EXOC6B: variants seen among roughly 807,000 people sequenced by gnomAD.
EXOC6B encodes the protein SEC15 homolog B.
In EXOC6B, 54 loss-of-function variants were observed where a neutral mutation model predicts 113.5. The observed-to-expected ratio is 0.48, with a 90% CI of 0.38 to 0.60. The LOEUF (loss-of-function observed/expected upper bound fraction) is 0.60. Ranked by LOEUF, EXOC6B falls within the 20% of genes least tolerant of loss-of-function variation. The probability of loss-of-function intolerance (pLI) is 0.00; values close to 1 mark genes in which losing one functional copy is unlikely to be tolerated. For missense variants in EXOC6B, 797 were observed against 977.5 expected (o/e 0.82, Z 2.46); for synonymous variants, 357 against 339.0 (o/e 1.05, Z -0.58).
intron 6 of EXOC6B, among the ~76,000 whole-genome samples, chr2:72,586,506 A>T (rs1705584873): frequency 6.6e-6 from 1 of 152,126 alleles, no homozygotes; most frequent in African/African-American, 2.4e-5. Context: ...TAATTCCAGC[A>T]CTTTGGGAGG....
intron 20 of EXOC6B, among the ~76,000 whole-genome samples, chr2:72,216,992 G>A (rs4852860): frequency 0.18 from 25,581 of 141,436 alleles, 2,403 homozygotes; most frequent in Non-Finnish European, 0.21. Context: ...AGTGAGCCGA[G>A]ATCACACCAC....
intron 1 of EXOC6B, among the ~76,000 whole-genome samples, chr2:72,795,644 A>T (rs1684902621): frequency 6.6e-6 from 1 of 152,202 alleles, no homozygotes. Flanking sequence ...TCTGTGGTAG[A>T]CAGAATAATG....
At chr2:72,266,898 T>G (rs1684136053) in intron 20 of EXOC6B, among the ~76,000 whole-genome samples, 1 of 152,216 alleles carries the variant, frequency 6.6e-6, no homozygotes, top group South Asian at 2.1e-4. Flanking sequence ...GCATAGAATG[T>G]TCTTCCATTT....
chr2:72,504,367 AT>A (rs1364845418), intron 11 of EXOC6B, among the ~76,000 whole-genome samples: 2 of 152,180 alleles, frequency 1.3e-5, no homozygotes, highest in East Asian at 3.9e-4. Context: ...CTTAATCAAT[AT>A]TTTTTCTCTC....
At chr2:72,334,133 T>C in intron 20 of EXOC6B, among the ~76,000 whole-genome samples, 1 of 152,040 alleles carries the variant, frequency 6.6e-6, no homozygotes, top group East Asian at 1.9e-4. Flanking sequence ...TCTTACTTCA[T>C]TCACACTTTC....
At chr2:72,224,075 T>C (rs1393106969) in intron 20 of EXOC6B, among the ~76,000 whole-genome samples, 1 of 152,194 alleles carries the variant, frequency 6.6e-6, no homozygotes, top group African/African-American at 2.4e-5. Flanking sequence ...TTGAGATTTA[T>C]GCCTGGCCAG....
At chr2:72,624,272 A>G (rs1339339500) in intron 6 of EXOC6B, among the ~76,000 whole-genome samples, 1 of 151,420 alleles carries the variant, frequency 6.6e-6, no homozygotes, top group Non-Finnish European at 1.5e-5. Context: ...TTTCTTTTTT[A>G]TTTTTTGTAG....
chr2:72,716,178 C>G (rs1320876163), intron 6 of EXOC6B, among the ~76,000 whole-genome samples: 1 of 152,154 alleles, frequency 6.6e-6, no homozygotes, highest in African/African-American at 2.4e-5. Flanking sequence ...ATGCAACACT[C>G]TTTGGTCTTT....
At chr2:72,289,069 C>A (rs1685624179) in intron 20 of EXOC6B, 1 of 296,498 alleles carries the variant, frequency 3.4e-6, no homozygotes, top group Admixed American at 3.8e-5. Context: ...CAAGAAGAAG[C>A]AAGATGAAAA....
intron 18 of EXOC6B, among the ~76,000 whole-genome samples, chr2:72,396,167 A>C (rs1692714190): frequency 6.6e-6 from 1 of 152,132 alleles, no homozygotes; most frequent in South Asian, 2.1e-4. Context: ...GATACTCTTA[A>C]ATAATTTATA....
At chr2:72,747,360 A>G (rs530755834) in intron 1 of EXOC6B, among the ~76,000 whole-genome samples, 1 of 152,174 alleles carries the variant, frequency 6.6e-6, no homozygotes. Flanking sequence ...TCAGGAAAAG[A>G]AACTGCTTTT....
At chr2:72,545,425 A>T (rs1702844569) in intron 8 of EXOC6B, among the ~76,000 whole-genome samples, 1 of 152,200 alleles carries the variant, frequency 6.6e-6, no homozygotes, top group Non-Finnish European at 1.5e-5. Flanking sequence ...TGTATGTTCC[A>T]ATTCTTAACA....
intron 2 of EXOC6B, among the ~76,000 whole-genome samples, chr2:72,735,828 C>G (rs569283050): frequency 1.3e-5 from 2 of 151,466 alleles, no homozygotes; most frequent in African/African-American, 2.4e-5. Flanking sequence ...GAGCGAAACT[C>G]CATCTCAAAA....
At chr2:72,350,005 A>T (rs962289890) in intron 19 of EXOC6B, among the ~76,000 whole-genome samples, 1 of 152,170 alleles carries the variant, frequency 6.6e-6, no homozygotes, top group Non-Finnish European at 1.5e-5. Context: ...TGGTCAGAAC[A>T]TAAAGTCCAA....
intron 20 of EXOC6B, among the ~76,000 whole-genome samples, chr2:72,234,083 CTTT>C (rs34660222): frequency 9.3e-4 from 122 of 131,860 alleles, no homozygotes; most frequent in Middle Eastern, 4.0e-3. Context: ...TGGACCGCCT[CTTT>C]TTTTTTTTTT....
intron 18 of EXOC6B, among the ~76,000 whole-genome samples, chr2:72,435,081 G>C (rs1327417768): frequency 6.6e-6 from 1 of 152,164 alleles, no homozygotes; most frequent in Non-Finnish European, 1.5e-5. Context: ...CTTTGGCTGT[G>C]TCCCAGAGAT....
intron 18 of EXOC6B, among the ~76,000 whole-genome samples, chr2:72,410,430 A>G (rs1380534675): frequency 6.6e-6 from 1 of 152,160 alleles, no homozygotes; most frequent in Non-Finnish European, 1.5e-5. Context: ...CAGTATCTCA[A>G]TTTGTGTCTG....
At chr2:72,229,110 G>A (rs1334790309) in intron 20 of EXOC6B, among the ~76,000 whole-genome samples, 1 of 152,068 alleles carries the variant, frequency 6.6e-6, no homozygotes, top group Non-Finnish European at 1.5e-5. Context: ...TTTTGATGGG[G>A]TTGTTTGTTT....
At chr2:72,719,855 T>G (rs1679880571) in intron 5 of EXOC6B, among the ~76,000 whole-genome samples, 1 of 152,194 alleles carries the variant, frequency 6.6e-6, no homozygotes, top group Non-Finnish European at 1.5e-5. Flanking sequence ...ACATGGGAAA[T>G]AGTAAATACA....
Sources: gnomAD v4.1 joint callset for allele counts (sites outside exome capture counted in the v4.1 genomes callset) on GRCh38, gnomAD v4.1.1 for gene constraint, MANE v1.5 for transcripts, NCBI Gene and HGNC (gene_info 2026-07-23, HGNC 2026-07-21) for gene names.